ADIPOR2: variants seen among roughly 807,000 people sequenced by gnomAD.
ADIPOR2 encodes the protein adiponectin receptor protein 2.
In ADIPOR2, 18 loss-of-function variants were observed where a neutral mutation model predicts 40.9. The observed-to-expected ratio is 0.44, with a 90% CI of 0.30 to 0.65. The LOEUF is 0.65. ADIPOR2 is among the 30% of genes least tolerant of loss of function. The probability of loss-of-function intolerance (pLI) is 0.09; values close to 1 mark genes in which losing one functional copy is unlikely to be tolerated. For synonymous variants in ADIPOR2, 165 were observed against 166.4 expected, an observed-to-expected ratio of 0.99 and a Z score of 0.06; for missense variants, 283 against 479.2, an observed-to-expected ratio of 0.59 and a Z score of 3.82.
At chr12:1,719,781 TCTC>T (rs1565636450) in intron 1 of ADIPOR2, among the ~76,000 whole-genome samples, 1 of 152,054 alleles carries the variant, frequency 6.6e-6, no homozygotes, top group Non-Finnish European at 1.5e-5. Context: ...TTCAAGCAGT[TCTC>T]CTGCGACAGC....
chr12:1,752,075 T>A (rs1305286435), intron 1 of ADIPOR2, among the ~76,000 whole-genome samples: 1 of 149,774 alleles, frequency 6.7e-6, no homozygotes, highest in African/African-American at 2.5e-5. Flanking sequence ...ACCCAGCTAA[T>A]TTTTTGTATT....
Position 1,753,154 on chromosome 12 carries a change from CT to C in ADIPOR2, c.-86-1101del, listed in dbSNP as rs1862039057. On this transcript the variant is annotated intron_variant, in intron 1 of 7. Coordinates refer to ENST00000357103, the MANE Select transcript of ADIPOR2 (RefSeq NM_024551.3). ...TTTTTATGGTATCTGGGTTCTCCTA[CT>C]TTGCCCTACTCCTTTCCCCACTAAG... Among the ~76,000 whole-genome samples the C allele has an allele frequency of 2.6e-5, 4 of 152,194 alleles. No individual in the cohort carries two copies. The South Asian group carries it at 8.3e-4, about 32-fold the overall frequency.
At chr12:1,725,461 C>T (rs2094706073) in intron 1 of ADIPOR2, among the ~76,000 whole-genome samples, 2 of 152,150 alleles carry the variant, frequency 1.3e-5, no homozygotes, top group Admixed American at 6.6e-5. Context: ...AAATCAATTC[C>T]CTGAAAAACT....
intron 1 of ADIPOR2, among the ~76,000 whole-genome samples, chr12:1,737,382 T>C (rs1436576917): frequency 2.0e-5 from 3 of 152,060 alleles, no homozygotes; most frequent in Non-Finnish European, 4.4e-5. Flanking sequence ...GGAAAATACA[T>C]GTTAATTATC....
intron 1 of ADIPOR2, among the ~76,000 whole-genome samples, chr12:1,726,492 C>G (rs144353305): frequency 2.2e-4 from 33 of 152,306 alleles, no homozygotes; most frequent in Non-Finnish European, 4.3e-4. Context: ...ACCACCACCC[C>G]TGGCTGAGTT....
At position 1,703,610 on chromosome 12, in the gene ADIPOR2, C is replaced by T. The variant is rs545822335; in HGVS notation, c.-87+12419C>T. Among the ~76,000 whole-genome samples, 7 of 151,854 alleles carry T rather than the reference C, an allele frequency of 4.6e-5. No individual in the cohort carries two copies. In the South Asian group the frequency reaches 1.5e-3, roughly 32 times the overall value. On this transcript the variant is annotated intron_variant, in intron 1 of 7. Transcript: ENST00000357103. ...AATTAGCCAAGTGTGGTAGTGTGTGCCGGGACTGAGGTGGGAGGATAGCTC... is the reference window on the plus strand; with the variant it reads ...AATTAGCCAAGTGTGGTAGTGTGTGTCGGGACTGAGGTGGGAGGATAGCTC...
intron 1 of ADIPOR2, among the ~76,000 whole-genome samples, chr12:1,736,086 T>C (rs2094729883): frequency 1.3e-5 from 2 of 152,348 alleles, no homozygotes; most frequent in South Asian, 2.1e-4. Context: ...CAGGCTTTGG[T>C]ATCAGGATGA....
intron 3 of ADIPOR2, among the ~76,000 whole-genome samples, chr12:1,775,978 T>C (rs1350568973): frequency 6.6e-6 from 1 of 152,208 alleles, no homozygotes; most frequent in Non-Finnish European, 1.5e-5. Context: ...TATTTTATTT[T>C]ATTGTATGTT....
At chr12:1,741,748 T>A (rs2094743331) in intron 1 of ADIPOR2, among the ~76,000 whole-genome samples, 2 of 152,134 alleles carry the variant, frequency 1.3e-5, no homozygotes, top group South Asian at 4.1e-4. Flanking sequence ...CCCTGGAGAG[T>A]ATTGTAAAAT....
intron 2 of ADIPOR2, among the ~76,000 whole-genome samples, chr12:1,769,958 C>T (rs1332773441): frequency 6.6e-6 from 1 of 150,902 alleles, no homozygotes; most frequent in Non-Finnish European, 1.5e-5. Context: ...AGCTCTGTTG[C>T]CCAGGCTGGA....
chr12:1,715,949 G>T (rs2094686675), intron 1 of ADIPOR2, among the ~76,000 whole-genome samples: 1 of 152,134 alleles, frequency 6.6e-6, no homozygotes, highest in Non-Finnish European at 1.5e-5. Context: ...GGCCACCCCA[G>T]CCAGCAGCGG....
chr12:1,781,530 G>A (rs1862720376), intron 6 of ADIPOR2, among the ~76,000 whole-genome samples: 1 of 152,140 alleles, frequency 6.6e-6, no homozygotes, highest in African/African-American at 2.4e-5. Flanking sequence ...TGCTGATTAT[G>A]TTTTGTTAAA....
At chr12:1,766,550 A>T (rs1862385377) in intron 2 of ADIPOR2, among the ~76,000 whole-genome samples, 1 of 152,236 alleles carries the variant, frequency 6.6e-6, no homozygotes, top group East Asian at 1.9e-4. Flanking sequence ...CATTGCCCCT[A>T]GGCCTCTGAC....
intron 2 of ADIPOR2, among the ~76,000 whole-genome samples, chr12:1,772,541 T>C (rs959964806): frequency 6.6e-6 from 1 of 152,190 alleles, no homozygotes; most frequent in African/African-American, 2.4e-5. Flanking sequence ...TTATGTAATA[T>C]TATTATGGGG....
At chr12:1,727,645 C>T (rs960522983) in intron 1 of ADIPOR2, among the ~76,000 whole-genome samples, 5 of 152,020 alleles carry the variant, frequency 3.3e-5, no homozygotes, top group South Asian at 4.2e-4. Context: ...TTCCAAGAAT[C>T]GAAACCCTTG....
At chr12:1,785,827 C>T in intron 7 of ADIPOR2, 117 bp from the exon 8 acceptor site, 1 of 1,347,834 alleles carries the variant, frequency 7.4e-7, no homozygotes, top group Non-Finnish European at 1.0e-6. Context: ...AGCTCTGTCA[C>T]ATCCATTCCC....
intron 2 of ADIPOR2, among the ~76,000 whole-genome samples, chr12:1,765,650 TATCTC>T (rs1385517429): frequency 1.3e-5 from 2 of 152,238 alleles, no homozygotes; most frequent in Non-Finnish European, 2.9e-5. Context: ...GTTATCCACA[TATCTC>T]AGCCACCCTT....
At chr12:1,711,049 G>A (rs905739234) in intron 1 of ADIPOR2, among the ~76,000 whole-genome samples, 5 of 152,108 alleles carry the variant, frequency 3.3e-5, no homozygotes, top group African/African-American at 1.2e-4. Flanking sequence ...TCCTGTAAAC[G>A]CCAGGTGGCG....
chr12:1,761,699 A>C (rs575693922), intron 2 of ADIPOR2, among the ~76,000 whole-genome samples: 1 of 152,306 alleles, frequency 6.6e-6, no homozygotes, highest in South Asian at 2.1e-4. Context: ...ACTTACTATA[A>C]AACTCAAGTT....
Sources: allele counts gnomAD v4.1 joint callset (sites outside exome capture counted in the v4.1 genomes callset), GRCh38; gene constraint gnomAD v4.1.1; transcripts MANE v1.5; gene names NCBI Gene and HGNC (gene_info 2026-07-23, HGNC 2026-07-21).